CTNND2: variants seen among roughly 807,000 people sequenced by gnomAD.
CTNND2 encodes catenin delta 2, also known as catenin delta-2.
CTNND2 carries 22 observed loss-of-function variants against 144.4 expected under a neutral mutation model. The ratio of observed to expected loss-of-function variants is 0.15; its 90% CI spans 0.11 to 0.22. The LOEUF is 0.22. CTNND2 is among the 10% of genes least tolerant of loss of function. The pLI, the probability that CTNND2 is intolerant of heterozygous loss-of-function variation, is 1.00. For missense variants in CTNND2, 1,353 were observed against 1,618.8 expected, an observed-to-expected ratio of 0.84 and a Z score of 2.82; for synonymous variants, 751 against 695.6, an observed-to-expected ratio of 1.08 and a Z score of -1.25.
intron 9 of CTNND2, among the ~76,000 whole-genome samples, chr5:11,240,000 G>C (rs1742046088): frequency 6.6e-6 from 1 of 152,134 alleles, no homozygotes; most frequent in Non-Finnish European, 1.5e-5. Flanking sequence ...TGTTTTGAAA[G>C]AATGAAGGTG....
At chr5:11,336,250 T>C (rs1446983560) in intron 9 of CTNND2, among the ~76,000 whole-genome samples, 1 of 152,232 alleles carries the variant, frequency 6.6e-6, no homozygotes, top group Non-Finnish European at 1.5e-5. Flanking sequence ...TTGTTCAACA[T>C]GCCAATAACC....
chr5:11,586,376 G>A (rs1778863602), intron 2 of CTNND2, among the ~76,000 whole-genome samples: 1 of 152,012 alleles, frequency 6.6e-6, no homozygotes, highest in African/African-American at 2.4e-5. Flanking sequence ...TTTATATGTG[G>A]CAATTCAATA....
intron 12 of CTNND2, among the ~76,000 whole-genome samples, chr5:11,121,895 T>C (rs1195054416): frequency 6.6e-6 from 1 of 152,210 alleles, no homozygotes; most frequent in African/African-American, 2.4e-5. Context: ...CACACACTCT[T>C]AGCTCTTTGA....
At chr5:11,083,468 T>C (rs1749810810) in intron 15 of CTNND2, among the ~76,000 whole-genome samples, 2 of 152,242 alleles carry the variant, frequency 1.3e-5, no homozygotes, top group African/African-American at 4.8e-5. Context: ...AGGGCCATAA[T>C]TCAATGTCTT....
At chr5:11,323,665 G>A (rs980462422) in intron 9 of CTNND2, among the ~76,000 whole-genome samples, 28 of 152,182 alleles carry the variant, frequency 1.8e-4, no homozygotes, top group African/African-American at 6.5e-4. Context: ...GGTTTGAGAT[G>A]TCTGAAACAA....
intron 7 of CTNND2, among the ~76,000 whole-genome samples, chr5:11,367,338 AT>A (rs1424043194): frequency 6.6e-6 from 1 of 152,242 alleles, no homozygotes; most frequent in Non-Finnish European, 1.5e-5. Context: ...CACTGCTGGA[AT>A]TCATGTGTTC....
chr5:11,899,355 A>C (rs1737671742), intron 1 of CTNND2, among the ~76,000 whole-genome samples: 2 of 152,216 alleles, frequency 1.3e-5, no homozygotes, highest in African/African-American at 4.8e-5. Flanking sequence ...AACACTAATA[A>C]AGAATATCAA....
At chr5:11,884,954 C>T (rs1237520234) in intron 1 of CTNND2, among the ~76,000 whole-genome samples, 4 of 151,742 alleles carry the variant, frequency 2.6e-5, no homozygotes, top group Non-Finnish European at 5.9e-5. Context: ...ATGTGATGTA[C>T]CATAATTAAT....
chr5:11,421,317 G>C (rs990493918), intron 3 of CTNND2, among the ~76,000 whole-genome samples: 3 of 152,050 alleles, frequency 2.0e-5, no homozygotes, highest in Non-Finnish European at 4.4e-5. Context: ...CTTCATTCAA[G>C]ATACCCTACA....
intron 3 of CTNND2, among the ~76,000 whole-genome samples, chr5:11,545,421 C>T (rs1018161587): frequency 1.3e-5 from 2 of 151,698 alleles, no homozygotes; most frequent in Non-Finnish European, 2.9e-5. Context: ...CCTGTAATCC[C>T]GGAATTTTGG....
rs116811929 is a variant in CTNND2, at chr5:11,489,297, C to T, written c.287+75647G>A. ...TCATTTGCATTTCCCCAGTGGTTAA[C>T]GATATTCAACATCCATGTGCTTAGT... On this transcript the variant is annotated intron_variant, in intron 3 of 21. Transcript: ENST00000304623. 5.7e-3 allele frequency among the ~76,000 whole-genome samples: 865 copies of T among 152,214 alleles called. 13 individuals carry two copies. The highest frequency in any genetic ancestry group is 0.019 in the African/African-American group (805 of 41,526).
At chr5:11,390,185 G>GATGGAGTATTTTTGTTTGTACAGA (rs1252538392) in intron 6 of CTNND2, among the ~76,000 whole-genome samples, 1 of 152,152 alleles carries the variant, frequency 6.6e-6, no homozygotes, top group Non-Finnish European at 1.5e-5. Context: ...GAGATCTATC[G>GATGGAGTATTTTTGTTTGTACAGA]ATGGAGTATT....
intron 12 of CTNND2, among the ~76,000 whole-genome samples, chr5:11,152,689 C>T (rs1757849298): frequency 6.6e-6 from 1 of 152,172 alleles, no homozygotes; most frequent in Non-Finnish European, 1.5e-5. Context: ...GGGCAGCCAA[C>T]TGTCTTTTCT....
At chr5:11,643,373 T>C (rs973883808) in intron 2 of CTNND2, among the ~76,000 whole-genome samples, 4 of 140,538 alleles carry the variant, frequency 2.8e-5, no homozygotes, top group Admixed American at 2.8e-4. Context: ...CTCCTAATGC[T>C]ATCCCTCCCC....
chr5:11,757,109 A>G (rs1788986563), intron 1 of CTNND2, among the ~76,000 whole-genome samples: 1 of 151,820 alleles, frequency 6.6e-6, no homozygotes, highest in Non-Finnish European at 1.5e-5. Context: ...GTTTTCCCCT[A>G]TCAATTTACA....
chr5:11,433,015 C>T (rs907876325), intron 3 of CTNND2, among the ~76,000 whole-genome samples: 3 of 152,164 alleles, frequency 2.0e-5, no homozygotes, highest in African/African-American at 7.2e-5. Flanking sequence ...GAGGCCAAGG[C>T]AGGCGGATCA....
At chr5:11,469,185 A>C (rs1766933540) in intron 3 of CTNND2, among the ~76,000 whole-genome samples, 1 of 152,162 alleles carries the variant, frequency 6.6e-6, no homozygotes, top group Non-Finnish European at 1.5e-5. Context: ...CTTCCTCTAC[A>C]TCCAGCCTAA....
At chr5:11,016,803 C>T (rs1234286156) in intron 18 of CTNND2, among the ~76,000 whole-genome samples, 1 of 152,084 alleles carries the variant, frequency 6.6e-6, no homozygotes, top group Non-Finnish European at 1.5e-5. Context: ...TGGAGTCTCG[C>T]TCTGTTGCCC....
intron 3 of CTNND2, among the ~76,000 whole-genome samples, chr5:11,498,046 T>C (rs1295347522): frequency 6.6e-6 from 1 of 152,096 alleles, no homozygotes; most frequent in Non-Finnish European, 1.5e-5. Context: ...ATGAAGTGCC[T>C]GAAATCAGGA....
Sources: allele counts gnomAD v4.1 joint callset (sites outside exome capture counted in the v4.1 genomes callset), GRCh38; gene constraint gnomAD v4.1.1; transcripts MANE v1.5; gene names NCBI Gene and HGNC (gene_info 2026-07-23, HGNC 2026-07-21).